Variants in BICC1 observed in about 807,000 individuals in gnomAD.
BICC1 encodes the protein protein bicaudal C homolog 1.
Under a neutral mutation model 111.0 loss-of-function variants are expected in BICC1, and 43 were observed. The observed-to-expected ratio is 0.39, with a 90% confidence interval of 0.30 to 0.50. The LOEUF (loss-of-function observed/expected upper bound fraction) is 0.50. Among genes scored for constraint, BICC1 ranks in the 20% least tolerant of loss-of-function variants. The probability of loss-of-function intolerance (pLI) is 0.88; values close to 1 mark genes in which losing one functional copy is unlikely to be tolerated. For synonymous variants in BICC1, 467 were observed against 434.4 expected (o/e 1.07, Z -0.93); for missense variants, 1,091 against 1,203.2 (o/e 0.91, Z 1.38).
chr10:58,624,750 C>G (rs566415241), intron 2 of BICC1, among the ~76,000 whole-genome samples: 6 of 152,168 alleles, frequency 3.9e-5, no homozygotes, highest in South Asian at 2.1e-4. Context: ...TGCGCCACCA[C>G]GCCCAGTTAA....
At chr10:58,780,351 G>A (rs1842851736) in intron 3 of BICC1, among the ~76,000 whole-genome samples, 1 of 152,136 alleles carries the variant, frequency 6.6e-6, no homozygotes, top group Non-Finnish European at 1.5e-5. Context: ...TGGGAGGCGG[G>A]GAGGTAGTCA....
intron 3 of BICC1, among the ~76,000 whole-genome samples, chr10:58,747,075 G>A (rs1176286532): frequency 6.6e-6 from 1 of 152,074 alleles, no homozygotes; most frequent in Non-Finnish European, 1.5e-5. Flanking sequence ...CAGAGTGGTT[G>A]GTCAGCCAGG....
At chr10:58,662,214 T>C (rs923946928) in intron 2 of BICC1, among the ~76,000 whole-genome samples, 3 of 152,180 alleles carry the variant, frequency 2.0e-5, no homozygotes, top group African/African-American at 7.2e-5. Context: ...ATCTTGGACA[T>C]CTTCTACTAG....
At chr10:58,665,432 T>G (rs558396919) in intron 2 of BICC1, among the ~76,000 whole-genome samples, 1 of 152,324 alleles carries the variant, frequency 6.6e-6, no homozygotes, top group East Asian at 1.9e-4. Flanking sequence ...GTGGTTTGAT[T>G]GTACTTGTTG....
intron 2 of BICC1, among the ~76,000 whole-genome samples, chr10:58,628,981 A>G (rs1837713040): frequency 6.6e-6 from 1 of 152,202 alleles, no homozygotes; most frequent in South Asian, 2.1e-4. Flanking sequence ...AATGTGGCAG[A>G]TGTGGTGGCT....
rs764712013 is a variant in BICC1 at position 58,800,918 on chromosome 10, C to G, written c.1887C>G (p.Gly629=). The change falls in exon 14 of 21, where the codon GGC becomes GGG. Residue 629 remains glycine (G), a synonymous_variant. Coordinates refer to ENST00000373886, the MANE Select transcript of BICC1 (RefSeq NM_001080512.3). ...GTAATGATGCTTTTGTTGAAGTAGG[C>G]ATGCCTCGAAGTCCTTCCCATTCTG... is the stretch of plus-strand genomic sequence containing the variant. ...EGCNDAFVEV[G]MPRSPSHSGN... 6.2e-7 allele frequency: 1 copy of G among 1,606,626 alleles called. No individual in the cohort carries two copies. The highest frequency in any genetic ancestry group is 1.1e-5 in the South Asian group (1 of 89,774).
intron 14 of BICC1, 63 bp from the exon 15 acceptor site, chr10:58,803,014 A>G: frequency 7.1e-7 from 1 of 1,409,552 alleles, no homozygotes; most frequent in East Asian, 2.5e-5. Flanking sequence ...TGTGGCATGT[A>G]GGAAACATTC....
At chr10:58,611,323 A>G (rs1564512294) in intron 1 of BICC1, among the ~76,000 whole-genome samples, 1 of 152,198 alleles carries the variant, frequency 6.6e-6, no homozygotes, top group Non-Finnish European at 1.5e-5. Flanking sequence ...TGTTATTAAT[A>G]TTTTGGTATT....
At chr10:58,741,399 A>T (rs901578682) in intron 3 of BICC1, among the ~76,000 whole-genome samples, 1 of 152,224 alleles carries the variant, frequency 6.6e-6, no homozygotes, top group African/African-American at 2.4e-5. Flanking sequence ...GGGAAGAAAT[A>T]TTAATACATT....
intron 2 of BICC1, among the ~76,000 whole-genome samples, chr10:58,638,646 G>A (rs1168345435): frequency 1.3e-5 from 2 of 152,070 alleles, no homozygotes; most frequent in African/African-American, 4.8e-5. Flanking sequence ...TTTGTGGCAG[G>A]GGGTGATGAG....
At chr10:58,803,799 C>G (rs1843628629) in intron 15 of BICC1, among the ~76,000 whole-genome samples, 1 of 152,184 alleles carries the variant, frequency 6.6e-6, no homozygotes, top group Admixed American at 6.5e-5. Flanking sequence ...TCAATAGGAA[C>G]TTTCTGTGTT....
At chr10:58,620,082 T>A (rs118032693) in intron 1 of BICC1, among the ~76,000 whole-genome samples, 5 of 152,152 alleles carry the variant, frequency 3.3e-5, no homozygotes, top group African/African-American at 7.2e-5. Flanking sequence ...GCAGTCTGAG[T>A]CTGTTGCAAG....
intron 20 of BICC1, among the ~76,000 whole-genome samples, chr10:58,824,578 G>A (rs2132987212): frequency 6.6e-6 from 1 of 152,220 alleles, no homozygotes; most frequent in East Asian, 1.9e-4. Context: ...ACACCATGCA[G>A]TCTGTTACAA....
rs918091646 is a variant in BICC1 at position 58,814,147 on chromosome 10, G to T, written c.2533+161G>T. 13 of 818,010 alleles carry T rather than the reference G, an allele frequency of 1.6e-5. No homozygotes were observed. In the South Asian group the frequency reaches 1.8e-4, roughly 11 times the overall value. 50.7% of individuals were successfully genotyped at this position (818,010 alleles called of 1,614,324 possible). ...CCTCCTTGTTTCTCCCAGTGAAGCA[G>T]GCCACCTGGTTCTCTTTCCTCTCAC... On this transcript the variant is annotated intron_variant, in intron 18 of 20. Coordinates refer to ENST00000373886, the MANE Select transcript of BICC1 (RefSeq NM_001080512.3).
chr10:58,536,057 C>A (rs369946375), intron 1 of BICC1, among the ~76,000 whole-genome samples: 6 of 151,454 alleles, frequency 4.0e-5, no homozygotes, highest in South Asian at 2.1e-4. Context: ...GCACCTAACT[C>A]CAGAGCTCCC....
chr10:58,697,998 G>A (rs1207935452), intron 2 of BICC1, among the ~76,000 whole-genome samples: 1 of 151,920 alleles, frequency 6.6e-6, no homozygotes, highest in Admixed American at 6.6e-5. Flanking sequence ...AATTAATAGT[G>A]TGCCATATCA....
At chr10:58,692,659 G>C (rs1399324562) in intron 2 of BICC1, among the ~76,000 whole-genome samples, 1 of 152,132 alleles carries the variant, frequency 6.6e-6, no homozygotes, top group Non-Finnish European at 1.5e-5. Context: ...TCTTTTTGTT[G>C]TATAATTTAC....
chr10:58,789,184 A>T, intron 6 of BICC1, 78 bp from the exon 7 acceptor site: 1 of 1,225,532 alleles, frequency 8.2e-7, no homozygotes, highest in Non-Finnish European at 1.2e-6. Flanking sequence ...TCTTCAGAAA[A>T]GAACCAATGA....
At chr10:58,550,319 G>A (rs1304167647) in intron 1 of BICC1, among the ~76,000 whole-genome samples, 1 of 152,036 alleles carries the variant, frequency 6.6e-6, no homozygotes, top group African/African-American at 2.4e-5. Flanking sequence ...TCCCTGCCCC[G>A]CTGTATATTT....
Sources: allele counts gnomAD v4.1 joint callset (sites outside exome capture counted in the v4.1 genomes callset), GRCh38; gene constraint gnomAD v4.1.1; transcripts MANE v1.5; gene names NCBI Gene and HGNC (gene_info 2026-07-23, HGNC 2026-07-21).